Variants in FAM186B observed in about 807,000 individuals in gnomAD.
FAM186B encodes the protein family with sequence similarity 186 member B.
In FAM186B, 68 loss-of-function variants were observed where a neutral mutation model predicts 83.4. The observed-to-expected ratio is 0.81, with a 90% confidence interval of 0.67 to 1.00. The LOEUF (loss-of-function observed/expected upper bound fraction) is 1.00, where lower values mean the gene tolerates loss of function less well. FAM186B is among the 50% of genes least tolerant of loss of function. The pLI is 0.00. For missense variants in FAM186B, 983 were observed against 1,099.2 expected (o/e 0.89, Z 1.49); for synonymous variants, 389 against 422.0 (o/e 0.92, Z 0.96).
intron 5 of FAM186B, among the ~76,000 whole-genome samples, chr12:49,593,429 A>G (rs1019772659): frequency 3.9e-5 from 6 of 152,066 alleles, no homozygotes; most frequent in African/African-American, 1.4e-4. Flanking sequence ...GAGGTTGAGA[A>G]TTGGAGACCA....
At chr12:49,599,082 A>T in intron 4 of FAM186B, 135 bp from the exon 5 acceptor site, 1 of 901,800 alleles carries the variant, frequency 1.1e-6, no homozygotes, top group Non-Finnish European at 1.6e-6. Flanking sequence ...GAGCTGGGGA[A>T]AATGGGGCAG....
intron 5 of FAM186B, 105 bp downstream of exon 5, chr12:49,598,650 C>T (rs1320082963): frequency 2.9e-6 from 3 of 1,023,984 alleles, no homozygotes; most frequent in South Asian, 3.3e-5. Flanking sequence ...CCCCTGGTCC[C>T]GCAGTCTCAG....
At chr12:49,588,124 G>A (rs1342119945) in intron 6 of FAM186B, among the ~76,000 whole-genome samples, 2 of 152,344 alleles carry the variant, frequency 1.3e-5, no homozygotes, top group African/African-American at 4.8e-5. Flanking sequence ...CTTGTTTATA[G>A]GACAGACCAA....
rs1341896836 is a variant in FAM186B at position 49,587,602 on chromosome 12, G to A, written c.*3C>T. On this transcript the variant is annotated 3_prime_UTR_variant, in exon 7 of 7. Transcript: ENST00000257894. ...GGAAGTTCAGGCTTTTGTGGCAGGAGGACTACACGTCCAGTGTCAACAGCC... is the reference window on the plus strand; with the variant it reads ...GGAAGTTCAGGCTTTTGTGGCAGGAAGACTACACGTCCAGTGTCAACAGCC... 1.2e-6 allele frequency: 2 copies of A among 1,613,438 alleles called. No individual in the cohort carries two copies. Among genetic ancestry groups the A allele is most frequent in the Admixed American group, 1.7e-5 (1 of 59,982 alleles).
the FAM186B span, among the ~76,000 whole-genome samples, chr12:49,611,288 G>A: frequency 1.3e-5 from 2 of 152,058 alleles, no homozygotes; most frequent in African/African-American, 4.8e-5. Context: ...CAGGAGAATT[G>A]CTTGAACCTG....
the FAM186B span, chr12:49,619,457 T>C: frequency 3.3e-6 from 2 of 607,708 alleles, no homozygotes; most frequent in Non-Finnish European, 6.1e-6. Context: ...AATTGTTGCA[T>C]ATGTATTATA....
At chr12:49,591,756 G>A (rs1565805745) in intron 5 of FAM186B, among the ~76,000 whole-genome samples, 1 of 152,176 alleles carries the variant, frequency 6.6e-6, no homozygotes, top group Non-Finnish European at 1.5e-5. Context: ...ACCAAAATTT[G>A]TGGATGCTCA....
chr12:49,620,501 C>G, the FAM186B span, among the ~76,000 whole-genome samples: 1 of 151,116 alleles, frequency 6.6e-6, no homozygotes, highest in Non-Finnish European at 1.5e-5. Context: ...AACCCCATCT[C>G]TACTAAAAAT....
chr12:49,585,608 G>T (rs1044187716), downstream of FAM186B, among the ~76,000 whole-genome samples: 1 of 152,220 alleles, frequency 6.6e-6, no homozygotes, highest in Non-Finnish European at 1.5e-5. Flanking sequence ...GGACGCCCCA[G>T]TGGGCTCAGA....
chr12:49,622,076 C>T, the FAM186B span, among the ~76,000 whole-genome samples: 1 of 152,240 alleles, frequency 6.6e-6, no homozygotes, highest in Non-Finnish European at 1.5e-5. Context: ...TTCACGGAAC[C>T]TCTGGACCAC....
In FAM186B at chr12:49,599,840, G is replaced by A. The variant is rs1452453286; in HGVS notation, c.1800C>T (p.Thr600=). ...TCTGCTTTCCCAGGGCAGGCTGCTG[G>A]GTACTAGGAGACATGGGCAAGTGTG... ...RRPHLPMSPS[T]QQPALGKQRP... Residue 600 remains threonine, a synonymous_variant, in exon 4 of 7, where the codon ACC becomes ACT. Transcript: ENST00000257894. 3.7e-6 allele frequency: 6 copies of A among 1,607,546 alleles called. No individual in the cohort carries two copies. The highest frequency in any genetic ancestry group is 5.1e-6 in the Non-Finnish European group (6 of 1,176,450).
downstream of FAM186B, chr12:49,583,215 C>T: frequency 2.7e-6 from 1 of 373,276 alleles, no homozygotes; most frequent in Non-Finnish European, 5.4e-6. Context: ...CAGTTTCATT[C>T]ACTGTCAAAT....
chr12:49,601,095 C>A lies in FAM186B; in HGVS notation c.545G>T (p.Ser182Ile). ...RTFWQGWQGR[S>I]PQTSPSHPQP... ...AGGATGGGATGGAGATGTCTGTGGG[C>A]TTCTTCCCTGCCAGCCCTGCCAGAA... is the stretch of plus-strand genomic sequence containing the variant. Residue 182 changes from serine (S) to isoleucine (I), a missense_variant, in exon 4 of 7, where the codon AGC (serine) becomes ATC (isoleucine). Ser to Ile is a moderately radical substitution (Grantham distance 142). Transcript: ENST00000257894. 1 of 1,587,480 alleles carries A rather than the reference C, an allele frequency of 6.3e-7. No homozygotes were observed. Among genetic ancestry groups the A allele is most frequent in the Non-Finnish European group, 8.6e-7 (1 of 1,164,990 alleles).
chr12:49,584,641 G>T (rs11169078), downstream of FAM186B: 23,296 of 702,128 alleles, frequency 0.033, 1,154 homozygotes, highest in African/African-American at 0.18. Context: ...AGTTACAGGT[G>T]GGGGAGTAAC....
At chr12:49,590,612 G>A (rs1049881986) in intron 5 of FAM186B, among the ~76,000 whole-genome samples, 3 of 152,092 alleles carry the variant, frequency 2.0e-5, no homozygotes, top group African/African-American at 7.2e-5. Flanking sequence ...GGTGGGGAGG[G>A]GGTGAAAGAG....
At chr12:49,621,747 A>T in the FAM186B span, among the ~76,000 whole-genome samples, 1 of 152,264 alleles carries the variant, frequency 6.6e-6, no homozygotes, top group South Asian at 2.1e-4. Flanking sequence ...AGGGAATTCC[A>T]GGGTCCTAGG....
In FAM186B at chr12:49,604,431, C is replaced by G. The variant is rs749702924; in HGVS notation, c.204G>C (p.Gln68His). ...ATCTCTTCTTGCCCTTTGGATCTCT[C>G]TGCTGAGATTTGGCATTTTCTTTTA... Reference protein sequence around the residue: ...YDLKENAKSQQRDPKGKKRFI... With the variant: ...YDLKENAKSQHRDPKGKKRFI... The change falls in exon 2 of 7, where the codon CAG (glutamine) becomes CAC (histidine). Residue 68 changes from glutamine to histidine, a missense_variant. By Grantham distance (24) the Gln-to-His change is conservative. Transcript: ENST00000257894. The G allele has an allele frequency of 1.9e-6, 3 of 1,614,230 alleles. No homozygotes were observed. The highest frequency in any genetic ancestry group is 2.5e-6 in the Non-Finnish European group (3 of 1,180,028).
chr12:49,600,195 T>A lies in FAM186B; in HGVS notation c.1445A>T (p.Glu482Val), dbSNP rs1413584367. 1.9e-6 allele frequency: 3 copies of A among 1,613,064 alleles called. No individual in the cohort carries two copies. Among genetic ancestry groups the A allele is most frequent in the Non-Finnish European group, 2.5e-6 (3 of 1,179,316 alleles). The change falls in exon 4 of 7, where the codon GAG becomes GTG. Residue 482 changes from glutamate to valine, a missense_variant. Glu to Val is a moderately radical substitution (Grantham distance 121). Coordinates refer to ENST00000257894, the MANE Select transcript of FAM186B (RefSeq NM_032130.3). This position sits in a 1 kb window ranked among gnomAD's most constrained non-coding sequence, Gnocchi z 4.3. ...CCTCCGCATCTCCCGGCCGAATTCC[T>A]CCTCCCAGGGCTCCTCTTGGCTCTC... is the stretch of plus-strand genomic sequence containing the variant. ...TSESQEEPWE[E>V]EFGREMRRQL...
At chr12:49,618,358 A>C in the FAM186B span, among the ~76,000 whole-genome samples, 4 of 151,312 alleles carry the variant, frequency 2.6e-5, no homozygotes, top group South Asian at 4.2e-4. Context: ...AAAAAAAAAG[A>C]AGCTCATGAC....
Sources: gnomAD v4.1 joint callset for allele counts (sites outside exome capture counted in the v4.1 genomes callset) on GRCh38, gnomAD v4.1.1 for gene constraint, Gnocchi (gnomAD v3.1) non-coding constraint, MANE v1.5 for transcripts, NCBI Gene and HGNC (gene_info 2026-07-23, HGNC 2026-07-21) for gene names.